COLEC12: variants seen among roughly 807,000 people sequenced by gnomAD.
COLEC12 encodes the protein collectin-12.
A neutral mutation model predicts 71.1 loss-of-function variants in COLEC12; 33 were observed. The ratio of observed to expected loss-of-function variants is 0.46; its 90% confidence interval spans 0.35 to 0.62. The LOEUF is 0.62. Among genes scored for constraint, COLEC12 ranks in the 20% least tolerant of loss-of-function variants. The pLI, the probability that COLEC12 is intolerant of heterozygous loss-of-function variation, is 0.00. For synonymous variants in COLEC12, 350 were observed against 353.0 expected, an observed-to-expected ratio of 0.99 and a Z score of 0.10; for missense variants, 765 against 916.1, an observed-to-expected ratio of 0.84 and a Z score of 2.13.
chr18:374,102 G>A (rs368097182), intron 2 of COLEC12, among the ~76,000 whole-genome samples: 3 of 152,198 alleles, frequency 2.0e-5, no homozygotes, highest in African/African-American at 4.8e-5. Context: ...GGCAGCGAGC[G>A]GCATATGAGA....
At chr18:430,104 T>G (rs1479810445) in intron 2 of COLEC12, among the ~76,000 whole-genome samples, 2 of 152,010 alleles carry the variant, frequency 1.3e-5, no homozygotes, top group African/African-American at 4.8e-5. Context: ...TCCCAGCACT[T>G]TGAGAGGCAG....
intron 2 of COLEC12, among the ~76,000 whole-genome samples, chr18:440,223 G>A (rs375647772): frequency 6.6e-6 from 1 of 152,078 alleles, no homozygotes; most frequent in Admixed American, 6.5e-5. Flanking sequence ...GGGAGGTGCT[G>A]GTTAAAGGGG....
rs1466898976 is a variant in COLEC12 at position 319,295 on chromosome 18, T to C, written c.*750A>G. 2 of 138,958 alleles carry C rather than the reference T, an allele frequency of 1.4e-5. No individual in the cohort carries two copies. The highest frequency in any genetic ancestry group is 2.7e-5 in the African/African-American group (1 of 37,270). 8.6% of individuals were successfully genotyped at this position (138,958 alleles called of 1,614,324 possible). ...GGATATTTCTAGACATTCCAAGTGATTGGTTCCTCTGAGGAAATGAAACAT... is the reference window on the plus strand; with the variant it reads ...GGATATTTCTAGACATTCCAAGTGACTGGTTCCTCTGAGGAAATGAAACAT... On this transcript the variant is annotated 3_prime_UTR_variant, in exon 10 of 10. Transcript: ENST00000400256.
At chr18:437,202 C>T (rs748169655) in intron 2 of COLEC12, among the ~76,000 whole-genome samples, 1 of 152,184 alleles carries the variant, frequency 6.6e-6, no homozygotes, top group Non-Finnish European at 1.5e-5. Flanking sequence ...GATGATAGGA[C>T]TGTGAAGGCC....
At chr18:407,045 C>A (rs1567898710) in intron 2 of COLEC12, among the ~76,000 whole-genome samples, 1 of 152,244 alleles carries the variant, frequency 6.6e-6, no homozygotes. Flanking sequence ...GCTAGATGGG[C>A]ACAGTCGAAA....
chr18:417,433 G>C (rs1409757085), intron 2 of COLEC12, among the ~76,000 whole-genome samples: 1 of 152,232 alleles, frequency 6.6e-6, no homozygotes, highest in Non-Finnish European at 1.5e-5. Flanking sequence ...ATGACTATGT[G>C]TGTTTTTTCT....
At chr18:352,004 C>T (rs1598335398) in intron 3 of COLEC12, among the ~76,000 whole-genome samples, 1 of 152,182 alleles carries the variant, frequency 6.6e-6, no homozygotes, top group Non-Finnish European at 1.5e-5. Flanking sequence ...GGCTGAGCTA[C>T]AGGGCAAGCA....
In COLEC12 at chr18:346,916, G is replaced by A. The variant is rs925295048; in HGVS notation, c.706C>T (p.Arg236Ter). The A allele has an allele frequency of 4.3e-6, 7 of 1,614,000 alleles. No individual in the cohort carries two copies. The highest frequency in any genetic ancestry group is 1.3e-5 in the African/African-American group (1 of 74,902). The change falls in exon 5 of 10, where the codon CGA becomes TGA. Residue 236 changes from arginine to a stop codon, truncating the protein, a stop_gained. Transcript: ENST00000400256. LOFTEE classifies it high-confidence loss of function. The surrounding 1 kb of genome is among the most constrained non-coding windows in gnomAD (Gnocchi z 4.0). ...SVDDTSQAIQRIKNDFQNLQQ... is the reference protein window; with the variant it reads ...SVDDTSQAIQ ...AGATTTTGAAAGTCGTTCTTGATTC[G>A]CTGGATAGCCTGGCTTGTGTCATCC...
intron 5 of COLEC12, among the ~76,000 whole-genome samples, chr18:344,785 C>A (rs1914334661): frequency 6.6e-6 from 1 of 152,228 alleles, no homozygotes; most frequent in Admixed American, 6.5e-5. Context: ...GTATTCCTAT[C>A]TACTTCATTT....
rs548338493 is a variant in COLEC12 at position 327,669 on chromosome 18, G to A, written c.2063+3999C>T. ...GTGAGGCCGAGACGCAGAGGAGAGAGCCTTTTATCCCTCGTCTATTTGCTC... is the reference window on the plus strand; with the variant it reads ...GTGAGGCCGAGACGCAGAGGAGAGAACCTTTTATCCCTCGTCTATTTGCTC... On this transcript the variant is annotated intron_variant, in intron 8 of 9. Coordinates refer to ENST00000400256, the MANE Select transcript of COLEC12 (RefSeq NM_130386.3). The surrounding 1 kb of genome is among the most constrained non-coding windows in gnomAD (Gnocchi z 4.0). Among the ~76,000 whole-genome samples, 1 of 152,350 alleles carries A rather than the reference G, an allele frequency of 6.6e-6. No homozygotes were observed. Among genetic ancestry groups the A allele is most frequent in the Admixed American group, 6.5e-5 (1 of 15,300 alleles).
At chr18:333,292 G>A (rs1166287568) in intron 6 of COLEC12, 149 bp from the exon 7 acceptor site, 9 of 618,676 alleles carry the variant, frequency 1.5e-5, no homozygotes, top group South Asian at 4.2e-5. Flanking sequence ...GTTCACGGAC[G>A]TGCTCGCAGC....
intron 1 of COLEC12, among the ~76,000 whole-genome samples, chr18:481,510 G>A (rs1917415703): frequency 6.6e-6 from 1 of 152,192 alleles, no homozygotes; most frequent in South Asian, 2.1e-4. Context: ...TTCGAGCCCA[G>A]CCTGGCCAAC....
chr18:348,470 T>A (rs371389243), intron 3 of COLEC12, among the ~76,000 whole-genome samples: 6 of 152,344 alleles, frequency 3.9e-5, no homozygotes, highest in East Asian at 3.9e-4. Context: ...ATTTTAGAAG[T>A]CCCTAATCTG....
At chr18:339,473 G>A (rs1461603292) in intron 5 of COLEC12, among the ~76,000 whole-genome samples, 1 of 152,192 alleles carries the variant, frequency 6.6e-6, no homozygotes, top group Non-Finnish European at 1.5e-5. Flanking sequence ...TAAATATCGG[G>A]GGGAAATGCA....
intron 8 of COLEC12, among the ~76,000 whole-genome samples, chr18:325,004 C>A (rs1164434333): frequency 6.6e-6 from 1 of 152,030 alleles, no homozygotes; most frequent in Non-Finnish European, 1.5e-5. Flanking sequence ...GCCTGGGCAA[C>A]ACAGTGAGAC....
At chr18:407,350 G>C (rs934951871) in intron 2 of COLEC12, among the ~76,000 whole-genome samples, 1 of 152,150 alleles carries the variant, frequency 6.6e-6, no homozygotes, top group Non-Finnish European at 1.5e-5. Context: ...TAAGGGATTG[G>C]CTCATGCAGT....
chr18:450,671 T>C lies in COLEC12; in HGVS notation c.58+30036A>G, dbSNP rs11662879. 7.6e-3 allele frequency among the ~76,000 whole-genome samples: 1,154 copies of C among 152,102 alleles called. 11 individuals are homozygous for C. The highest frequency in any genetic ancestry group is 0.026 in the African/African-American group (1,058 of 41,484). On this transcript the variant is annotated intron_variant, in intron 2 of 9. Transcript: ENST00000400256. ...CTAATACAGAAAATTGGTACTGAGG[T>C]GTAGGGCATTGCTACAAAGATATCT...
intron 3 of COLEC12, 134 bp from the exon 4 acceptor site, chr18:348,297 T>C (rs936968570): frequency 5.4e-6 from 3 of 557,264 alleles, no homozygotes; most frequent in South Asian, 2.8e-5. Context: ...AAATCAAATA[T>C]AGGAAAGAAA....
chr18:417,754 G>C (rs1916016575), intron 2 of COLEC12, among the ~76,000 whole-genome samples: 1 of 150,316 alleles, frequency 6.7e-6, no homozygotes, highest in Non-Finnish European at 1.5e-5. Context: ...ACTGGTCATT[G>C]CTGTAGCAAC....
Sources: gnomAD v4.1 joint callset for allele counts (sites outside exome capture counted in the v4.1 genomes callset) on GRCh38, gnomAD v4.1.1 for gene constraint, Gnocchi (gnomAD v3.1) non-coding constraint, MANE v1.5 for transcripts, NCBI Gene and HGNC (gene_info 2026-07-23, HGNC 2026-07-21) for gene names.